RFX8: variants seen among roughly 807,000 people sequenced by gnomAD.
RFX8 encodes the protein regulatory factor X8, also known as DNA-binding protein RFX8.
A neutral mutation model predicts 54.6 loss-of-function variants in RFX8; 46 were observed. The ratio of observed to expected loss-of-function variants is 0.84; its 90% CI spans 0.67 to 1.08. RFX8 has a LOEUF of 1.08. Ranked by LOEUF, RFX8 falls within the 50% of genes least tolerant of loss-of-function variation. The probability of loss-of-function intolerance (pLI) is 0.00; values close to 1 mark genes in which losing one functional copy is unlikely to be tolerated. For synonymous variants in RFX8, 192 were observed against 209.5 expected (o/e 0.92, Z 0.72); for missense variants, 536 against 562.3 (o/e 0.95, Z 0.47).
intron 2 of RFX8, among the ~76,000 whole-genome samples, chr2:101,440,925 T>C (rs529311522): frequency 6.6e-6 from 1 of 152,104 alleles, no homozygotes; most frequent in Admixed American, 6.5e-5. Flanking sequence ...AAGGTCCTTG[T>C]TATGGTTTGA....
chr2:101,419,184 C>T (rs1558852170), intron 4 of RFX8, among the ~76,000 whole-genome samples: 1 of 152,122 alleles, frequency 6.6e-6, no homozygotes, highest in Non-Finnish European at 1.5e-5. Context: ...TAATGTAGAA[C>T]ATTATTAATA....
chr2:101,406,201 G>A, intron 9 of RFX8, 144 bp from the exon 10 acceptor site: 2 of 551,396 alleles, frequency 3.6e-6, no homozygotes, highest in South Asian at 5.1e-5. Flanking sequence ...AGCGGGAACT[G>A]AGGCAGCGGG....
intron 1 of RFX8, among the ~76,000 whole-genome samples, chr2:101,473,959 G>T (rs902493610): frequency 1.4e-4 from 21 of 152,210 alleles, no homozygotes; most frequent in African/African-American, 4.8e-4. Context: ...GGGTGACAAC[G>T]GGGAAGTCAC....
chr2:101,420,298 T>G (rs1001362639), intron 4 of RFX8, among the ~76,000 whole-genome samples: 1 of 152,126 alleles, frequency 6.6e-6, no homozygotes, highest in Non-Finnish European at 1.5e-5. Context: ...TCCCAGCACT[T>G]TGGGAGGCCG....
At chr2:101,468,912 T>C (rs1248558380) in intron 1 of RFX8, among the ~76,000 whole-genome samples, 1 of 148,284 alleles carries the variant, frequency 6.7e-6, no homozygotes, top group East Asian at 2.0e-4. Flanking sequence ...GTGATACCTA[T>C]CGATGGGATG....
intron 8 of RFX8, among the ~76,000 whole-genome samples, chr2:101,412,026 G>A (rs1390909522): frequency 6.6e-6 from 1 of 152,142 alleles, no homozygotes; most frequent in East Asian, 1.9e-4. Context: ...GCCTGAAGGG[G>A]TTCATAGGAA....
In RFX8 at chr2:101,448,912, C is replaced by T. The variant is rs556836855; in HGVS notation, c.72+17865G>A. ...AAAGAAGGCTCAAAGAGCAGGAATG[C>T]TGGTTGTATGGATGGACAGTGGTCA... On this transcript the variant is annotated intron_variant, in intron 2 of 11. Transcript: ENST00000428343. Among the ~76,000 whole-genome samples, 9 of 152,278 alleles carry T rather than the reference C, an allele frequency of 5.9e-5. No homozygotes were observed. The South Asian group carries it at 1.2e-3, about 21-fold the overall frequency.
chr2:101,474,392 G>C (rs1690190443), intron 1 of RFX8: 1 of 384,334 alleles, frequency 2.6e-6, no homozygotes, highest in Non-Finnish European at 4.6e-6. Flanking sequence ...AAAGGAGCGC[G>C]CGGGGGGCGC....
intron 2 of RFX8, among the ~76,000 whole-genome samples, chr2:101,435,989 C>T (rs1441626237): frequency 1.3e-5 from 2 of 152,186 alleles, no homozygotes; most frequent in African/African-American, 4.8e-5. Flanking sequence ...GCTCAGCCAC[C>T]TCTCCAGGTG....
At position 101,457,088 on chromosome 2, in the gene RFX8, T is replaced by G. The variant is rs1436696216; in HGVS notation, c.72+9689A>C. On this transcript the variant is annotated intron_variant, in intron 2 of 11. Coordinates refer to ENST00000428343, the MANE Select transcript of RFX8 (RefSeq NM_001145664.2). ...ATTGTTTATTGCATCTATTTGATTC[T>G]TCTCTCCTTTCTTCTTTATTAGTCT... Among the ~76,000 whole-genome samples, 5 of 152,226 alleles carry G rather than the reference T, an allele frequency of 3.3e-5. No individual in the cohort carries two copies. In the East Asian group the frequency reaches 9.6e-4, roughly 29 times the overall value.
intron 7 of RFX8, among the ~76,000 whole-genome samples, chr2:101,413,609 C>T (rs566984352): frequency 4.6e-5 from 7 of 152,280 alleles, no homozygotes; most frequent in Middle Eastern, 3.4e-3. Flanking sequence ...GGAGAAGGCA[C>T]GAGTTACCCC....
intron 3 of RFX8, 126 bp downstream of exon 3, chr2:101,422,236 G>A (rs554180816): frequency 2.2e-5 from 14 of 630,902 alleles, no homozygotes; most frequent in African/African-American, 1.1e-4. Context: ...TGGTCCTCAC[G>A]GGTCCAGCAA....
intron 1 of RFX8, among the ~76,000 whole-genome samples, chr2:101,471,795 A>G (rs1272279048): frequency 6.6e-6 from 1 of 152,228 alleles, no homozygotes; most frequent in African/African-American, 2.4e-5. Flanking sequence ...AATTTATCCA[A>G]TATGGATGAC....
At chr2:101,459,715 G>A (rs531740929) in intron 2 of RFX8, among the ~76,000 whole-genome samples, 1 of 152,184 alleles carries the variant, frequency 6.6e-6, no homozygotes, top group African/African-American at 2.4e-5. Flanking sequence ...GAGGCAGTCT[G>A]TCCGTTCTCA....
At chr2:101,413,674 G>A (rs1686304293) in intron 7 of RFX8, among the ~76,000 whole-genome samples, 1 of 152,156 alleles carries the variant, frequency 6.6e-6, no homozygotes, top group African/African-American at 2.4e-5. Context: ...CTTTCCTGAG[G>A]GGCAGTAAGT....
At chr2:101,468,987 TATAAGTATATATATAC>T (rs1304667025) in intron 1 of RFX8, among the ~76,000 whole-genome samples, 2 of 86,660 alleles carry the variant, frequency 2.3e-5, no homozygotes, top group African/African-American at 7.2e-5. Context: ...AGTATATATA[TATAAGTATATATATAC>T]GTATATATAT....
intron 2 of RFX8, among the ~76,000 whole-genome samples, chr2:101,428,327 A>G (rs1308523389): frequency 6.6e-6 from 1 of 152,164 alleles, no homozygotes; most frequent in Non-Finnish European, 1.5e-5. Context: ...AGGTCACGAA[A>G]GTGGAGCTCT....
In RFX8 at chr2:101,421,706, A is replaced by G; in HGVS notation, c.237+18T>C. 1 of 1,548,128 alleles carries G rather than the reference A, an allele frequency of 6.5e-7. No individual in the cohort carries two copies. Among genetic ancestry groups the G allele is most frequent in the Non-Finnish European group, 8.7e-7 (1 of 1,145,538 alleles). On this transcript the variant is annotated intron_variant, in intron 4 of 11. Transcript: ENST00000428343. ...TTTATAGATAAAACCCTACCCTCTCAAGTTCTCAGTTCCTCACATTTCGTA... is the reference window on the plus strand; with the variant it reads ...TTTATAGATAAAACCCTACCCTCTCGAGTTCTCAGTTCCTCACATTTCGTA...
At chr2:101,436,607 C>T (rs1467192814) in intron 2 of RFX8, among the ~76,000 whole-genome samples, 1 of 107,504 alleles carries the variant, frequency 9.3e-6, no homozygotes, top group African/African-American at 3.2e-5. Context: ...AGAGAAATGG[C>T]TGCTTCACCC....
Sources: gnomAD v4.1 joint callset for allele counts (sites outside exome capture counted in the v4.1 genomes callset) on GRCh38, gnomAD v4.1.1 for gene constraint, MANE v1.5 for transcripts, NCBI Gene and HGNC (gene_info 2026-07-23, HGNC 2026-07-21) for gene names.